The following SMURF2 variants were observed in gnomAD, a reference collection of about 807,000 sequenced individuals.
SMURF2 encodes E3 ubiquitin-protein ligase SMURF2.
Under a neutral mutation model 109.6 loss-of-function variants are expected in SMURF2, and 48 were observed. The ratio of observed to expected loss-of-function variants is 0.44; its 90% CI spans 0.35 to 0.56. The LOEUF is 0.56. Ranked by LOEUF, SMURF2 falls within the 20% of genes least tolerant of loss-of-function variation. The pLI is 0.01. For synonymous variants in SMURF2, 288 were observed against 317.1 expected (o/e 0.91, Z 0.97); for missense variants, 575 against 909.0 (o/e 0.63, Z 4.72).
chr17:64,593,290 G>A, intron 4 of SMURF2, 150 bp downstream of exon 4: 1 of 515,818 alleles, frequency 1.9e-6, no homozygotes, highest in Non-Finnish European at 2.7e-6. Context: ...TGTGTTTGAA[G>A]CCCTACCAAC....
intron 1 of SMURF2, among the ~76,000 whole-genome samples, chr17:64,631,663 AC>A (rs1237612144): frequency 6.6e-6 from 1 of 152,146 alleles, no homozygotes; most frequent in African/African-American, 2.4e-5. Context: ...CTCCCAAAAA[AC>A]AAAACACCAT....
At chr17:64,561,047 CT>C (rs1394999411) in intron 12 of SMURF2, 1 of 152,516 alleles carries the variant, frequency 6.6e-6, no homozygotes, top group Non-Finnish European at 1.5e-5. Flanking sequence ...AGCATTCTAC[CT>C]TCTGTACTGA....
At chr17:64,613,744 G>GTGTGTGTGTGTGTGTGTGTGTGT (rs1555689839) in intron 1 of SMURF2, among the ~76,000 whole-genome samples, 1 of 137,774 alleles carries the variant, frequency 7.3e-6, no homozygotes, top group Non-Finnish European at 1.6e-5. Context: ...GTGTGTGTGT[G>GTGTGTGTGTGTGTGTGTGTGTGT]GAGGGGGGGC....
Position 64,571,820 on chromosome 17 carries a change from C to T in SMURF2, c.994G>A (p.Ala332Thr), listed in dbSNP as rs782461463. Residue 332 changes from alanine (A) to threonine (T), a missense_variant, in exon 10 of 19, where the codon GCT (alanine) becomes ACT (threonine). By Grantham distance (58) the Ala-to-Thr change is moderately conservative (BLOSUM62 0). Transcript: ENST00000262435. The stretch of plus-strand genomic sequence containing the variant: ...TACTTTAAAACTAAATGCAAGTTAG[C>T]AGACAGCCGAGGATCTGTAAATTGT... Reference protein sequence around the residue: ...TTQFTDPRLSANLHLVLNRQN... With the variant: ...TTQFTDPRLSTNLHLVLNRQN... The T allele has an allele frequency of 2.5e-6, 4 of 1,609,562 alleles. No individual in the cohort carries two copies. In the Admixed American group the frequency reaches 5.1e-5, roughly 20 times the overall value.
intron 17 of SMURF2, among the ~76,000 whole-genome samples, chr17:64,546,616 T>A (rs1275950265): frequency 6.6e-6 from 1 of 152,200 alleles, no homozygotes; most frequent in African/African-American, 2.4e-5. Context: ...TTATAGAAAG[T>A]CAATATCCCA....
intron 1 of SMURF2, among the ~76,000 whole-genome samples, chr17:64,640,922 AAAAAAAAAGAAAAAAG>A (rs1201941901): frequency 5.3e-5 from 8 of 151,652 alleles, no homozygotes; most frequent in Non-Finnish European, 7.4e-5. Context: ...CATCTCAAAA[AAAAAAAAAGAAAAAAG>A]AAAAAAAAGA....
chr17:64,660,481 G>A (rs1355456227), intron 1 of SMURF2, among the ~76,000 whole-genome samples: 1 of 152,080 alleles, frequency 6.6e-6, no homozygotes, highest in Non-Finnish European at 1.5e-5. Flanking sequence ...TTTTCCCTAG[G>A]GAAAGGAAAA....
At chr17:64,628,186 A>G (rs912740231) in intron 1 of SMURF2, among the ~76,000 whole-genome samples, 6 of 152,140 alleles carry the variant, frequency 3.9e-5, no homozygotes, top group Non-Finnish European at 8.8e-5. Context: ...GTGGGTAGAC[A>G]TGGAGAGGAA....
At chr17:64,647,233 A>T (rs1970571038) in intron 1 of SMURF2, among the ~76,000 whole-genome samples, 1 of 152,190 alleles carries the variant, frequency 6.6e-6, no homozygotes, top group African/African-American at 2.4e-5. Context: ...TGCTAGAAAA[A>T]ATACAATTAG....
At chr17:64,642,064 C>T (rs1357305572) in intron 1 of SMURF2, among the ~76,000 whole-genome samples, 2 of 152,240 alleles carry the variant, frequency 1.3e-5, no homozygotes, top group African/African-American at 2.4e-5. Flanking sequence ...GACTCAGCCT[C>T]CCGAAGTGCT....
intron 11 of SMURF2, 149 bp from the exon 12 acceptor site, chr17:64,561,752 T>TG: frequency 1.7e-6 from 1 of 584,720 alleles, no homozygotes; most frequent in Non-Finnish European, 3.0e-6. Context: ...ATCCCAACAC[T>TG]TTGGGAGGCT....
intron 1 of SMURF2, among the ~76,000 whole-genome samples, chr17:64,650,784 C>T (rs943280010): frequency 6.6e-6 from 1 of 151,834 alleles, no homozygotes; most frequent in East Asian, 1.9e-4. Context: ...GAGTGGAGAT[C>T]GTGCCTGGGC....
chr17:64,596,185 ATAT>A (rs1439414458), intron 3 of SMURF2, among the ~76,000 whole-genome samples: 4 of 152,114 alleles, frequency 2.6e-5, no homozygotes, highest in Non-Finnish European at 5.9e-5. Context: ...TAAATAAAAT[ATAT>A]TATTATGCTT....
Position 64,542,282 on chromosome 17 carries a change from T to C in SMURF2, c.*3566A>G, listed in dbSNP as rs1968884321. 1 of 152,238 alleles carries C rather than the reference T, an allele frequency of 6.6e-6. No individual in the cohort carries two copies. The highest frequency in any genetic ancestry group is 2.4e-5 in the African/African-American group (1 of 41,464). 9.4% of individuals were successfully genotyped at this position (152,238 alleles called of 1,614,324 possible). ...AAAACGATTCATTACAAACTCAATA[T>C]TCTTTAAAAACGTTGATGCTGTGAC... is the stretch of plus-strand genomic sequence containing the variant. On this transcript the variant is annotated 3_prime_UTR_variant, in exon 19 of 19. Coordinates refer to ENST00000262435, the MANE Select transcript of SMURF2 (RefSeq NM_022739.4).
intron 16 of SMURF2, among the ~76,000 whole-genome samples, chr17:64,548,585 G>T (rs1219868769): frequency 1.3e-5 from 2 of 151,966 alleles, no homozygotes; most frequent in African/African-American, 2.4e-5. Flanking sequence ...ATGAGATTCC[G>T]CCATGTTGGC....
chr17:64,549,238 G>T (rs564551583), intron 16 of SMURF2, among the ~76,000 whole-genome samples: 11 of 144,814 alleles, frequency 7.6e-5, no homozygotes, highest in African/African-American at 2.6e-4. Flanking sequence ...CCATCAGCCT[G>T]GGGGACAAGT....
chr17:64,557,776 T>G, intron 12 of SMURF2, 54 bp from the exon 13 acceptor site: 1 of 957,806 alleles, frequency 1.0e-6, no homozygotes, highest in South Asian at 1.4e-5. Flanking sequence ...ACATTTTTAT[T>G]AAGATATGTC....
At chr17:64,635,136 G>A (rs1171613613) in intron 1 of SMURF2, among the ~76,000 whole-genome samples, 1 of 152,028 alleles carries the variant, frequency 6.6e-6, no homozygotes, top group East Asian at 1.9e-4. Flanking sequence ...TGACCAGCCT[G>A]GCCAACATGG....
intron 1 of SMURF2, among the ~76,000 whole-genome samples, chr17:64,642,880 G>A (rs947661501): frequency 2.6e-5 from 4 of 151,628 alleles, no homozygotes; most frequent in Non-Finnish European, 4.4e-5. Flanking sequence ...CTGCAGCTTC[G>A]ACCTCCCAGG....
Sources: gnomAD v4.1 joint callset for allele counts (sites outside exome capture counted in the v4.1 genomes callset) on GRCh38, gnomAD v4.1.1 for gene constraint, MANE v1.5 for transcripts, NCBI Gene and HGNC (gene_info 2026-07-23, HGNC 2026-07-21) for gene names.